The following DNAH12 variants were observed in gnomAD, a reference collection of about 807,000 sequenced individuals.
DNAH12 encodes axonemal beta dynein heavy chain 12.
DNAH12 carries 285 observed loss-of-function variants against 371.5 expected under a neutral mutation model. That is an observed-to-expected ratio of 0.77 (90% confidence interval 0.70 to 0.85). DNAH12 has a LOEUF of 0.85. DNAH12 is among the 40% of genes least tolerant of loss of function. The pLI is 0.00. For synonymous variants in DNAH12, 1,200 were observed against 1,213.0 expected, an observed-to-expected ratio of 0.99 and a Z score of 0.22; for missense variants, 3,611 against 3,689.4, an observed-to-expected ratio of 0.98 and a Z score of 0.55.
At chr3:57,553,400 G>C in the DNAH12 span, among the ~76,000 whole-genome samples, 1 of 152,142 alleles carries the variant, frequency 6.6e-6, no homozygotes, top group African/African-American at 2.4e-5. Context: ...TACATACCAG[G>C]TATAGAGCCC....
chr3:57,532,209 G>A (rs1394261036), intron 2 of DNAH12, among the ~76,000 whole-genome samples: 4 of 151,980 alleles, frequency 2.6e-5, no homozygotes, highest in African/African-American at 9.7e-5. Flanking sequence ...CAATCTCCTT[G>A]TTAAGTTTAT....
At chr3:57,517,810 G>A (rs2068253309) in intron 4 of DNAH12, among the ~76,000 whole-genome samples, 1 of 152,112 alleles carries the variant, frequency 6.6e-6, no homozygotes, top group Admixed American at 6.5e-5. Context: ...ACTTTGCGAG[G>A]TAGAAGCAGG....
intron 60 of DNAH12, among the ~76,000 whole-genome samples, chr3:57,347,694 C>T (rs2062574149): frequency 6.7e-6 from 1 of 149,380 alleles, no homozygotes; most frequent in African/African-American, 2.5e-5. Flanking sequence ...GCCACTCCAG[C>T]CTGGGTGACA....
chr3:57,362,809 T>C (rs1425018199), intron 58 of DNAH12, among the ~76,000 whole-genome samples: 4 of 152,224 alleles, frequency 2.6e-5, no homozygotes, highest in Admixed American at 6.5e-5. Flanking sequence ...TTTCTCCCAT[T>C]CTGTAGGTTG....
chr3:57,343,750 A>C (rs2062464777), intron 60 of DNAH12, among the ~76,000 whole-genome samples: 1 of 152,100 alleles, frequency 6.6e-6, no homozygotes, highest in Non-Finnish European at 1.5e-5. Flanking sequence ...ATAAAACCCG[A>C]TTGTACATTT....
At position 57,433,780 on chromosome 3, in the gene DNAH12, A is replaced by T. The variant is rs1212591077; in HGVS notation, c.4704T>A (p.His1568Gln). The change falls in exon 31 of 74, where the codon CAT (histidine) becomes CAA (glutamine). Residue 1568 changes from histidine (H) to glutamine (Q), a missense_variant. Around this residue, in one of 3 missense-constraint regions of DNAH12, gnomAD observed 2,266 missense variants for 2,236.9 expected, o/e 1.01. Transcript: ENST00000495027. ...TTAAAGTTAGCGTATCCGCCAGCAC[A>T]TGCAGAACTTTTGTCTTAGCAGCAA... ...EPFAAKTKVL[H>Q]VLADTLTLMN... The T allele has an allele frequency of 1.3e-6, 2 of 1,549,344 alleles. No homozygotes were observed. Among genetic ancestry groups the T allele is most frequent in the Non-Finnish European group, 8.7e-7 (1 of 1,146,454 alleles).
At chr3:57,403,173 T>C (rs1179125475) in intron 43 of DNAH12, 136 bp downstream of exon 43, 3 of 858,108 alleles carry the variant, frequency 3.5e-6, no homozygotes, top group African/African-American at 3.5e-5. Context: ...ACACACACAG[T>C]AGATGCTCTA....
chr3:57,303,756 T>C (rs1000890828), intron 69 of DNAH12, among the ~76,000 whole-genome samples: 1 of 152,180 alleles, frequency 6.6e-6, no homozygotes, highest in African/African-American at 2.4e-5. Context: ...TAATAGTCTT[T>C]TCAGCTCAAT....
intron 60 of DNAH12, among the ~76,000 whole-genome samples, chr3:57,347,559 T>C (rs1299317017): frequency 1.5e-4 from 23 of 151,184 alleles, no homozygotes; most frequent in Admixed American, 1.5e-3. Flanking sequence ...CAATGAAAAA[T>C]ACAAAAATTA....
chr3:57,435,462 C>T (rs2065092755), intron 30 of DNAH12, among the ~76,000 whole-genome samples: 2 of 151,380 alleles, frequency 1.3e-5, no homozygotes, highest in South Asian at 4.2e-4. Flanking sequence ...GATTGTGGCT[C>T]CCTCCACAAA....
chr3:57,399,564 A>G (rs2063814184), intron 43 of DNAH12, among the ~76,000 whole-genome samples: 1 of 152,226 alleles, frequency 6.6e-6, no homozygotes, highest in Admixed American at 6.5e-5. Flanking sequence ...AAACAACCAC[A>G]AGAAAGGATA....
In DNAH12 at chr3:57,302,567, A is replaced by ATTTTTTT. The variant is rs71088056; in HGVS notation, c.11190-635_11190-629dup. ...TATATATATATATATATATATATGT[A>ATTTTTTT]TTTTTTTTTTTTTTTTTTTTTTTTT... On this transcript the variant is annotated intron_variant, in intron 69 of 73. Coordinates refer to ENST00000495027, the MANE Select transcript of DNAH12 (RefSeq NM_001366028.2). 1.2e-3 allele frequency among the ~76,000 whole-genome samples: 32 copies of ATTTTTTT among 27,482 alleles called. 2 individuals are homozygous for ATTTTTTT. The highest frequency in any genetic ancestry group is 2.2e-3 in the African/African-American group (17 of 7,878). The allele number at this position is 27,482 out of a possible 152,430, so 18.0% of individuals were successfully genotyped here.
At chr3:57,365,880 A>AT in intron 57 of DNAH12, among the ~76,000 whole-genome samples, 2 of 128,478 alleles carry the variant, frequency 1.6e-5, no homozygotes, top group Non-Finnish European at 3.4e-5. Flanking sequence ...TATATATATA[A>AT]ATGTATTTCT....
intron 69 of DNAH12, among the ~76,000 whole-genome samples, chr3:57,305,917 G>A (rs2061460006): frequency 6.6e-6 from 1 of 152,168 alleles, no homozygotes; most frequent in Non-Finnish European, 1.5e-5. Flanking sequence ...CAGCACCGAG[G>A]CTTTCCTCCA....
chr3:57,309,275 G>T (rs1385223766), intron 68 of DNAH12, 21 bp from the exon 69 acceptor site: 1 of 1,512,564 alleles, frequency 6.6e-7, no homozygotes, highest in Non-Finnish European at 8.9e-7. Context: ...AGATTTTGAA[G>T]ATCACAAATT....
At chr3:57,389,822 G>GTGTATATATA (rs1326306277) in intron 45 of DNAH12, among the ~76,000 whole-genome samples, 5 of 45,814 alleles carry the variant, frequency 1.1e-4, no homozygotes, top group Admixed American at 5.0e-4. Context: ...GTGTGTGTGT[G>GTGTATATATA]TATATATATA....
intron 4 of DNAH12, among the ~76,000 whole-genome samples, chr3:57,519,172 T>G (rs2068314388): frequency 6.6e-6 from 1 of 152,246 alleles, no homozygotes; most frequent in Admixed American, 6.5e-5. Flanking sequence ...ATCTTTCGCG[T>G]GCTTATTTGC....
At chr3:57,490,363 G>A (rs1026903841) in intron 11 of DNAH12, among the ~76,000 whole-genome samples, 11 of 152,114 alleles carry the variant, frequency 7.2e-5, no homozygotes, top group African/African-American at 2.7e-4. Context: ...TCCAGGAACA[G>A]ATGCTCTGCA....
rs145808299 is a variant in DNAH12, at chr3:57,495,458, G to A, written c.1336-5771C>T. ...CACTTGTAATCCCAGCTACTAGGGA[G>A]GCTGAGGCAGGAGAATCACTTGAAC... On this transcript the variant is annotated intron_variant, in intron 11 of 73. Coordinates refer to ENST00000495027, the MANE Select transcript of DNAH12 (RefSeq NM_001366028.2). Among the ~76,000 whole-genome samples, 126 of 151,144 alleles carry A rather than the reference G, an allele frequency of 8.3e-4. 7 individuals carry two copies. The highest frequency in any genetic ancestry group is 2.9e-3 in the African/African-American group (119 of 40,668).
Sources: allele counts gnomAD v4.1 joint callset (sites outside exome capture counted in the v4.1 genomes callset), GRCh38; gene constraint gnomAD v4.1.1; regional missense constraint gnomAD v4.1.1; transcripts MANE v1.5; gene names NCBI Gene and HGNC (gene_info 2026-07-23, HGNC 2026-07-21).